The following NTM variants were observed in gnomAD, a reference collection of about 807,000 sequenced individuals.
The protein encoded by NTM is IgLON family member 2.
Under a neutral mutation model 42.1 loss-of-function variants are expected in NTM, and 13 were observed. The observed-to-expected ratio is 0.31, with a 90% CI of 0.20 to 0.49. The LOEUF (loss-of-function observed/expected upper bound fraction) is 0.49, where lower values mean the gene tolerates loss of function less well. NTM is among the 20% of genes least tolerant of loss of function. NTM has a pLI of 0.99. For missense variants in NTM, 373 were observed against 452.8 expected (o/e 0.82, Z 1.60); for synonymous variants, 187 against 179.2 (o/e 1.04, Z -0.35).
At chr11:131,533,730 G>A (rs1217644536) in intron 1 of NTM, 2 of 152,378 alleles carry the variant, frequency 1.3e-5, no homozygotes, top group East Asian at 3.9e-4. Context: ...AGGAAATACA[G>A]TTGGAGAGAT....
chr11:131,842,875 G>A (rs1277844188), intron 1 of NTM, among the ~76,000 whole-genome samples: 1 of 152,002 alleles, frequency 6.6e-6, no homozygotes, highest in African/African-American at 2.4e-5. Context: ...GTCGGGCGTG[G>A]TGCCGCATGC....
intron 1 of NTM, among the ~76,000 whole-genome samples, chr11:131,634,623 T>C (rs1045854256): frequency 1.4e-5 from 2 of 140,294 alleles, no homozygotes; most frequent in South Asian, 2.4e-4. Flanking sequence ...GATGATTTTA[T>C]ACAAGGACAA....
At chr11:132,035,018 T>A (rs2076344602) in intron 2 of NTM, among the ~76,000 whole-genome samples, 1 of 152,240 alleles carries the variant, frequency 6.6e-6, no homozygotes, top group Non-Finnish European at 1.5e-5. Context: ...CTGATGTTTT[T>A]CTTCCCATGG....
At chr11:131,761,809 C>CAATAAATAAATA (rs200691057) in intron 1 of NTM, among the ~76,000 whole-genome samples, 2 of 139,252 alleles carry the variant, frequency 1.4e-5, no homozygotes, top group South Asian at 2.5e-4. Context: ...AACTCTGTCT[C>CAATAAATAAATA]AATAAATAAA....
At chr11:132,257,322 C>G (rs1406314698) in intron 4 of NTM, among the ~76,000 whole-genome samples, 1 of 152,190 alleles carries the variant, frequency 6.6e-6, no homozygotes, top group Non-Finnish European at 1.5e-5. Flanking sequence ...TGTCTCCAAG[C>G]TTTGACACTA....
intron 1 of NTM, among the ~76,000 whole-genome samples, chr11:131,426,293 G>C (rs1016988791): frequency 6.6e-6 from 1 of 152,104 alleles, no homozygotes. Context: ...GAGTGAGGAG[G>C]ACAGAAATCC....
intron 3 of NTM, among the ~76,000 whole-genome samples, chr11:132,161,148 G>GTC (rs2074176481): frequency 6.6e-6 from 1 of 152,064 alleles, no homozygotes; most frequent in African/African-American, 2.4e-5. Flanking sequence ...CCTCAGCGGA[G>GTC]GTGAGGAGGA....
chr11:131,523,555 G>A (rs963160444), intron 1 of NTM, among the ~76,000 whole-genome samples: 9 of 152,104 alleles, frequency 5.9e-5, no homozygotes, highest in Non-Finnish European at 1.0e-4. Context: ...TTGGGAGGCC[G>A]AAGTGGGCAG....
At chr11:131,371,615 C>T (rs1941197026) in intron 1 of NTM, among the ~76,000 whole-genome samples, 1 of 152,198 alleles carries the variant, frequency 6.6e-6, no homozygotes, top group Non-Finnish European at 1.5e-5. Flanking sequence ...GCCCTGGGGG[C>T]TGCAGTTGAG....
chr11:132,197,606 G>A (rs1013156539), intron 3 of NTM, among the ~76,000 whole-genome samples: 3 of 150,576 alleles, frequency 2.0e-5, no homozygotes, highest in African/African-American at 4.9e-5. Flanking sequence ...CCATTAACTC[G>A]TCATTGACAT....
At chr11:131,947,394 C>T (rs1303529081) in intron 2 of NTM, among the ~76,000 whole-genome samples, 2 of 152,180 alleles carry the variant, frequency 1.3e-5, no homozygotes, top group African/African-American at 4.8e-5. Flanking sequence ...GAGTCATCTA[C>T]TCTAATTGTC....
chr11:131,696,257 C>T (rs2075428982), intron 1 of NTM, among the ~76,000 whole-genome samples: 1 of 152,096 alleles, frequency 6.6e-6, no homozygotes, highest in African/African-American at 2.4e-5. Flanking sequence ...ACAGGACGCA[C>T]CCGGGGAGGC....
rs557626380 is a variant in NTM at position 131,862,686 on chromosome 11, C to G, written c.83-48878C>G. ...AAGGACTTTCATGTTCCTCTTATAG[C>G]AAAGGCTGTGACTTTTCTGCTTTCA... On this transcript the variant is annotated intron_variant, in intron 1 of 8. Transcript: ENST00000683400. Among the ~76,000 whole-genome samples, 3 of 152,312 alleles carry G rather than the reference C, an allele frequency of 2.0e-5. No individual in the cohort carries two copies. In the South Asian group the frequency reaches 6.2e-4, roughly 32 times the overall value.
intron 3 of NTM, among the ~76,000 whole-genome samples, chr11:132,202,811 C>G (rs920243794): frequency 2.6e-5 from 4 of 152,236 alleles, no homozygotes; most frequent in African/African-American, 9.6e-5. Flanking sequence ...GAACAAGTTC[C>G]AATCTTCAGA....
rs920926665 is a variant in NTM at position 132,003,912 on chromosome 11, A to G, written c.167+92264A>G. On this transcript the variant is annotated intron_variant, in intron 2 of 8. Coordinates refer to ENST00000683400, the MANE Select transcript of NTM (RefSeq NM_001352005.2). The surrounding 1 kb of genome is among the most constrained non-coding windows in gnomAD (Gnocchi z 6.0). ...GTAGACTTCTTTTTGAACATTCTTT[A>G]GCCACTCGATGGCCCAGAGCCCCAT... is the stretch of plus-strand genomic sequence containing the variant. Among the ~76,000 whole-genome samples the G allele has an allele frequency of 6.6e-6, 1 of 152,192 alleles. No individual in the cohort carries two copies. The highest frequency in any genetic ancestry group is 1.5e-5 in the Non-Finnish European group (1 of 68,036).
At chr11:131,524,198 C>T (rs1022115296) in intron 1 of NTM, among the ~76,000 whole-genome samples, 4 of 152,234 alleles carry the variant, frequency 2.6e-5, no homozygotes, top group African/African-American at 7.2e-5. Context: ...TTCGCTCTCA[C>T]GCCTTGCTGC....
chr11:132,293,588 T>G (rs1489912776), intron 4 of NTM, among the ~76,000 whole-genome samples: 1 of 152,094 alleles, frequency 6.6e-6, no homozygotes, highest in Non-Finnish European at 1.5e-5. Context: ...GACTGGAGAT[T>G]TACGCGTCTA....
chr11:131,971,902 C>T (rs372630351), intron 2 of NTM, among the ~76,000 whole-genome samples: 19 of 151,886 alleles, frequency 1.3e-4, no homozygotes, highest in African/African-American at 3.4e-4. Flanking sequence ...AAAAATTAGC[C>T]GAGTGTGGTG....
At chr11:132,330,062 C>T (rs541767282) in intron 7 of NTM, 91 bp from the exon 8 acceptor site, 340 of 1,531,416 alleles carry the variant, frequency 2.2e-4, no homozygotes, top group Admixed American at 2.2e-4. Flanking sequence ...GCGCCAGGAG[C>T]GCCAGCTTCT....
Sources: allele counts gnomAD v4.1 joint callset (sites outside exome capture counted in the v4.1 genomes callset), GRCh38; gene constraint gnomAD v4.1.1; non-coding constraint Gnocchi (gnomAD v3.1); transcripts MANE v1.5; gene names NCBI Gene and HGNC (gene_info 2026-07-23, HGNC 2026-07-21).